PCDHGA7: variants seen among roughly 807,000 people sequenced by gnomAD.
PCDHGA7 encodes the protein protocadherin gamma subfamily A, 7, also known as protocadherin gamma-A7.
Under a neutral mutation model 58.3 loss-of-function variants are expected in PCDHGA7, and 44 were observed. That is an observed-to-expected ratio of 0.75 (90% CI 0.59 to 0.97). The LOEUF (loss-of-function observed/expected upper bound fraction) is 0.97, where lower values mean the gene tolerates loss of function less well. Among genes scored for constraint, PCDHGA7 ranks in the 50% least tolerant of loss-of-function variants. The pLI is 0.00. For synonymous variants in PCDHGA7, 516 were observed against 504.2 expected, an observed-to-expected ratio of 1.02 and a Z score of -0.31; for missense variants, 1,266 against 1,188.7, an observed-to-expected ratio of 1.06 and a Z score of -0.96.
rs2099710219 is a variant in PCDHGA7, at chr5:141,491,289, C to A, written c.2425-3518C>A. On this transcript the variant is annotated intron_variant, in intron 1 of 3. Transcript: ENST00000518325. The surrounding 1 kb of genome is among the most constrained non-coding windows in gnomAD (Gnocchi z 6.9). The stretch of plus-strand genomic sequence containing the variant: ...CCAAATCCAGTGACTTCCTCATACA[C>A]CCTCCTGAGCGTTCAGACCTTACCC... 1 of 1,614,112 alleles carries A rather than the reference C, an allele frequency of 6.2e-7. No homozygotes were observed. Among genetic ancestry groups the A allele is most frequent in the Non-Finnish European group, 8.5e-7 (1 of 1,179,942 alleles).
At chr5:141,457,607 T>C (rs578113551) in intron 1 of PCDHGA7, among the ~76,000 whole-genome samples, 2 of 152,360 alleles carry the variant, frequency 1.3e-5, no homozygotes, top group African/African-American at 4.8e-5. Context: ...AAACTAATTA[T>C]GAATGAACTT....
intron 2 of PCDHGA7, among the ~76,000 whole-genome samples, chr5:141,504,909 G>C (rs948719729): frequency 6.6e-6 from 1 of 152,002 alleles, no homozygotes; most frequent in Non-Finnish European, 1.5e-5. Context: ...ACTATGACAG[G>C]AAGCCAGGCT....
chr5:141,398,711 C>T, intron 1 of PCDHGA7: 2 of 1,613,822 alleles, frequency 1.2e-6, no homozygotes, highest in South Asian at 1.1e-5. Context: ...CCGGAACTGG[C>T]ACTGGAGAAA....
Position 141,491,260 on chromosome 5 carries a change from A to G in PCDHGA7, c.2425-3547A>G. On this transcript the variant is annotated intron_variant, in intron 1 of 3. Coordinates refer to ENST00000518325, the MANE Select transcript of PCDHGA7 (RefSeq NM_018920.4). This position sits in a 1 kb window ranked among gnomAD's most constrained non-coding sequence, Gnocchi z 6.9. ...TCTGGAGGATGAGGACCCTGAGGAA[A>G]TGCCCAAATCCAGTGACTTCCTCAT... 6.2e-7 allele frequency: 1 copy of G among 1,614,108 alleles called. No individual in the cohort carries two copies. The highest frequency in any genetic ancestry group is 1.7e-5 in the Admixed American group (1 of 60,028).
intron 1 of PCDHGA7, chr5:141,395,256 T>G: frequency 6.4e-7 from 1 of 1,554,392 alleles, no homozygotes; most frequent in East Asian, 2.3e-5. Flanking sequence ...AGTTCTTTGC[T>G]TGCTTTTAAT....
At chr5:141,448,305 A>C (rs910461420) in intron 1 of PCDHGA7, among the ~76,000 whole-genome samples, 1 of 152,092 alleles carries the variant, frequency 6.6e-6, no homozygotes, top group East Asian at 1.9e-4. Context: ...TTAATATCTC[A>C]AGGAATCTTT....
At chr5:141,389,332 G>A in intron 1 of PCDHGA7, 2 of 1,613,980 alleles carry the variant, frequency 1.2e-6, no homozygotes, top group Non-Finnish European at 8.5e-7. Context: ...GGGCCCAACG[G>A]CCAAGTCTCT....
At chr5:141,496,759 C>T (rs1287940646) in intron 2 of PCDHGA7, among the ~76,000 whole-genome samples, 2 of 152,038 alleles carry the variant, frequency 1.3e-5, no homozygotes, top group South Asian at 4.2e-4. Context: ...AAATATTTAT[C>T]GAGCATCTAC....
intron 1 of PCDHGA7, chr5:141,389,244 T>C: frequency 6.2e-7 from 1 of 1,614,036 alleles, no homozygotes; most frequent in Non-Finnish European, 8.5e-7. Context: ...CTCACAGTCT[T>C]CCTATATAGT....
Position 141,385,125 on chromosome 5 carries a change from C to T in PCDHGA7, c.2226C>T (p.Gly742=), listed in dbSNP as rs1206430746. Residue 742 remains glycine, a synonymous_variant, in exon 1 of 4, where the codon GGC becomes GGT. Transcript: ENST00000518325. ...LANVPTSHFV[G]MDGVQAFLQT... is the part of the protein sequence containing the mutation. ...ACGTGCCCACCTCGCACTTTGTGGGCATGGACGGGGTGCAGGCTTTCCTGC... is the reference window on the plus strand; with the variant it reads ...ACGTGCCCACCTCGCACTTTGTGGGTATGGACGGGGTGCAGGCTTTCCTGC... 7 of 1,614,212 alleles carry T rather than the reference C, an allele frequency of 4.3e-6. No individual in the cohort carries two copies. Among genetic ancestry groups the T allele is most frequent in the Non-Finnish European group, 8.5e-7 (1 of 1,180,044 alleles).
intron 1 of PCDHGA7, chr5:141,479,355 A>G (rs2099493778): frequency 6.6e-6 from 1 of 152,506 alleles, no homozygotes; most frequent in Non-Finnish European, 1.5e-5. Flanking sequence ...CTTGCTGCTC[A>G]GTGCCTGAGG....
rs575872277 is a variant in PCDHGA7, at chr5:141,511,848, G to A, written c.*675G>A. The A allele has an allele frequency of 6.4e-6, 1 of 156,684 alleles. No individual in the cohort carries two copies. The highest frequency in any genetic ancestry group is 2.0e-4 in the South Asian group (1 of 5,078). The allele number at this position is 156,684 out of a possible 1,614,324, so 9.7% of individuals were successfully genotyped here. A position where few individuals can be genotyped will look rare whatever the true frequency, so the allele number is the denominator to read the frequency against. ...GCCCTGGGGACCAGTCTTCTGTTTT[G>A]TTTTTCATTGTTTGACGTTTCCACT... On this transcript the variant is annotated 3_prime_UTR_variant, in exon 4 of 4. Transcript: ENST00000518325.
intron 1 of PCDHGA7, among the ~76,000 whole-genome samples, chr5:141,475,532 T>C (rs1011968434): frequency 6.6e-6 from 1 of 152,228 alleles, no homozygotes; most frequent in East Asian, 1.9e-4. Context: ...AAATGCCTCC[T>C]TACAAGTAGG....
In PCDHGA7 at chr5:141,432,645, C is replaced by T. The variant is rs758701539; in HGVS notation, c.2424+47322C>T. On this transcript the variant is annotated intron_variant, in intron 1 of 3. Coordinates refer to ENST00000518325, the MANE Select transcript of PCDHGA7 (RefSeq NM_018920.4). The surrounding 1 kb of genome is among the most constrained non-coding windows in gnomAD (Gnocchi z 6.0). Reference sequence around the variant, plus strand: ...CTGCACACGGGCGAGGTGCGCACGGCGCGAGCCCTGCTGGACAGAGACGCG... The same window carrying T: ...CTGCACACGGGCGAGGTGCGCACGGTGCGAGCCCTGCTGGACAGAGACGCG... 1 of 1,613,746 alleles carries T rather than the reference C, an allele frequency of 6.2e-7. No homozygotes were observed. Among genetic ancestry groups the T allele is most frequent in the Admixed American group, 1.7e-5 (1 of 60,006 alleles).
At chr5:141,443,759 A>G (rs1055796439) in intron 1 of PCDHGA7, among the ~76,000 whole-genome samples, 2 of 152,228 alleles carry the variant, frequency 1.3e-5, no homozygotes, top group African/African-American at 2.4e-5. Flanking sequence ...GAAGCTTACA[A>G]TATACAATAT....
chr5:141,389,675 A>C, intron 1 of PCDHGA7: 1 of 1,612,412 alleles, frequency 6.2e-7, no homozygotes, highest in Non-Finnish European at 8.5e-7. Flanking sequence ...CAGACTCAGG[A>C]CACAACGCCT....
intron 1 of PCDHGA7, chr5:141,397,868 A>T (rs1331188362): frequency 1.4e-5 from 8 of 573,128 alleles, no homozygotes; most frequent in Non-Finnish European, 2.1e-5. Context: ...CCTAGTGCTG[A>T]CTCTGGGCGC....
chr5:141,400,163 A>G, intron 1 of PCDHGA7: 1 of 1,613,830 alleles, frequency 6.2e-7, no homozygotes, highest in Non-Finnish European at 8.5e-7. Flanking sequence ...GTACCCTCTG[A>G]CCCCCAGGCT....
chr5:141,476,071 T>A lies in PCDHGA7; in HGVS notation c.2425-18736T>A. On this transcript the variant is annotated intron_variant, in intron 1 of 3. Transcript: ENST00000518325. The surrounding 1 kb of genome is among the most constrained non-coding windows in gnomAD (Gnocchi z 7.6). ...CCGCTGAAAGTTTCTCAGCGAAATC[T>A]CAGGGACGATCTGGACCCCGCTGAG... 6.6e-7 allele frequency: 1 copy of A among 1,522,792 alleles called. No individual in the cohort carries two copies. The highest frequency in any genetic ancestry group is 8.8e-7 in the Non-Finnish European group (1 of 1,142,680). 94.3% of individuals were successfully genotyped at this position (1,522,792 alleles called of 1,614,324 possible).
Sources: allele counts gnomAD v4.1 joint callset (sites outside exome capture counted in the v4.1 genomes callset), GRCh38; gene constraint gnomAD v4.1.1; non-coding constraint Gnocchi (gnomAD v3.1); transcripts MANE v1.5; gene names NCBI Gene and HGNC (gene_info 2026-07-23, HGNC 2026-07-21).